Variants in CNTN5 observed in about 807,000 individuals in gnomAD.
CNTN5 encodes the protein contactin 5.
Under a neutral mutation model 129.1 loss-of-function variants are expected in CNTN5, and 77 were observed. The ratio of observed to expected loss-of-function variants is 0.60; its 90% CI spans 0.50 to 0.72. The LOEUF (loss-of-function observed/expected upper bound fraction) is 0.72, where lower values mean the gene tolerates loss of function less well. CNTN5 is among the 30% of genes least tolerant of loss of function. The pLI, the probability that CNTN5 is intolerant of heterozygous loss-of-function variation, is 0.00. For missense variants in CNTN5, 1,478 were observed against 1,328.8 expected, an observed-to-expected ratio of 1.11 and a Z score of -1.75; for synonymous variants, 509 against 465.6, an observed-to-expected ratio of 1.09 and a Z score of -1.20.
At chr11:100,101,952 CA>C (rs1945238760) in intron 13 of CNTN5, among the ~76,000 whole-genome samples, 1 of 152,044 alleles carries the variant, frequency 6.6e-6, no homozygotes, top group African/African-American at 2.4e-5. Flanking sequence ...GTAAACCTAC[CA>C]TATTTTCTTT....
At chr11:99,801,724 A>C (rs2135481745) in intron 3 of CNTN5, among the ~76,000 whole-genome samples, 1 of 152,314 alleles carries the variant, frequency 6.6e-6, no homozygotes, top group Admixed American at 6.5e-5. Flanking sequence ...TCTATTGATA[A>C]ATATTTCAAT....
chr11:99,639,862 C>G (rs1301682140), intron 3 of CNTN5, among the ~76,000 whole-genome samples: 1 of 152,084 alleles, frequency 6.6e-6, no homozygotes, highest in Non-Finnish European at 1.5e-5. Flanking sequence ...CCACGTCAGT[C>G]CCAAGTCAGC....
In CNTN5 at chr11:99,055,037, A is replaced by G. The variant is rs181613042; in HGVS notation, c.-210+33767A>G. Among the ~76,000 whole-genome samples, 577 of 152,074 alleles carry G rather than the reference A, an allele frequency of 3.8e-3. 5 individuals are homozygous for G. Among genetic ancestry groups the G allele is most frequent in the Non-Finnish European group, 4.2e-3 (288 of 67,920 alleles). On this transcript the variant is annotated intron_variant, in intron 1 of 24. Coordinates refer to ENST00000524871, the MANE Select transcript of CNTN5 (RefSeq NM_014361.4). The stretch of plus-strand genomic sequence containing the variant: ...TTACCTAGAAGGCTTATTAAAACAC[A>G]TATTTCTATGCCCTATTCCCAGAAT...
rs536724121 is a variant in CNTN5, at chr11:99,489,160, A to G, written c.-70-66985A>G. ...TTTCCGTTTGGAGTTTTCTAGATTT[A>G]GAGACACTTCTTTCAGGCCATACAA... is the stretch of plus-strand genomic sequence containing the variant. On this transcript the variant is annotated intron_variant, in intron 2 of 24. Transcript: ENST00000524871. Among the ~76,000 whole-genome samples the G allele has an allele frequency of 3.3e-5, 5 of 152,256 alleles. No homozygotes were observed. The East Asian group carries it at 7.7e-4, about 24-fold the overall frequency.
intron 1 of CNTN5, among the ~76,000 whole-genome samples, chr11:99,153,318 T>C (rs1860164959): frequency 6.6e-6 from 1 of 152,108 alleles, no homozygotes. Flanking sequence ...TCTTAAAGGG[T>C]TTGTTCATTC....
At chr11:99,578,960 T>C (rs146202298) in intron 3 of CNTN5, among the ~76,000 whole-genome samples, 9,571 of 152,250 alleles carry the variant, frequency 0.063, 363 homozygotes, top group Non-Finnish European at 0.074. Flanking sequence ...TTTATGGTTT[T>C]AGGTCTAACC....
chr11:99,531,497 A>G (rs1375278188), intron 2 of CNTN5, among the ~76,000 whole-genome samples: 1 of 152,198 alleles, frequency 6.6e-6, no homozygotes, highest in Non-Finnish European at 1.5e-5. Flanking sequence ...AAGGAGCCTA[A>G]TGTTAATCCC....
At chr11:99,860,884 C>T (rs1175725650) in intron 6 of CNTN5, among the ~76,000 whole-genome samples, 1 of 149,446 alleles carries the variant, frequency 6.7e-6, no homozygotes, top group Non-Finnish European at 1.5e-5. Flanking sequence ...CTGTAGATTA[C>T]TTTGGGCAGT....
At chr11:99,893,896 A>G (rs1330892966) in intron 6 of CNTN5, among the ~76,000 whole-genome samples, 2 of 152,152 alleles carry the variant, frequency 1.3e-5, no homozygotes, top group Non-Finnish European at 1.5e-5. Flanking sequence ...CTGGCTTTGC[A>G]TAGTTTAATC....
intron 3 of CNTN5, among the ~76,000 whole-genome samples, chr11:99,589,097 T>C (rs892812248): frequency 6.6e-6 from 1 of 152,192 alleles, no homozygotes; most frequent in Admixed American, 6.5e-5. Flanking sequence ...TGTGAAACTA[T>C]AGAAGTGCAG....
intron 3 of CNTN5, among the ~76,000 whole-genome samples, chr11:99,674,303 T>TA (rs1454454447): frequency 1.4e-5 from 2 of 148,102 alleles, no homozygotes; most frequent in East Asian, 4.3e-4. Flanking sequence ...TTTTGATGGT[T>TA]TTTTTTTCTT....
chr11:100,289,266 A>G (rs932014574), intron 18 of CNTN5, among the ~76,000 whole-genome samples: 2 of 152,198 alleles, frequency 1.3e-5, no homozygotes, highest in Admixed American at 1.3e-4. Flanking sequence ...TTATGAGGGC[A>G]GCATCATCCT....
At chr11:100,079,490 C>T (rs146142181) in intron 13 of CNTN5, among the ~76,000 whole-genome samples, 216 of 152,232 alleles carry the variant, frequency 1.4e-3, no homozygotes, top group African/African-American at 4.4e-3. Flanking sequence ...ATCTCATCTC[C>T]CTTACCTATT....
intron 2 of CNTN5, among the ~76,000 whole-genome samples, chr11:99,554,374 G>GCTA (rs1218375077): frequency 6.6e-6 from 1 of 152,022 alleles, no homozygotes; most frequent in African/African-American, 2.4e-5. Flanking sequence ...AAGATCCTTT[G>GCTA]CTACTGTGTC....
At chr11:99,607,289 G>C (rs1383688175) in intron 3 of CNTN5, among the ~76,000 whole-genome samples, 5 of 107,394 alleles carry the variant, frequency 4.7e-5, no homozygotes, top group African/African-American at 1.4e-4. Flanking sequence ...GTGGGCGAAG[G>C]ACATGAACAG....
chr11:100,255,599 C>T (rs767192019), intron 16 of CNTN5, among the ~76,000 whole-genome samples, 161 bp from the exon 17 acceptor site: 5 of 152,156 alleles, frequency 3.3e-5, no homozygotes, highest in African/African-American at 4.8e-5. Flanking sequence ...ATCCTAGACT[C>T]CAACTTGCAT....
At chr11:99,956,687 G>A (rs1419290819) in intron 7 of CNTN5, 119 bp from the exon 8 acceptor site, 5 of 657,848 alleles carry the variant, frequency 7.6e-6, no homozygotes, top group Non-Finnish European at 1.3e-5. Context: ...TAGATACATG[G>A]ATCAAATATG....
At chr11:100,129,607 G>A (rs549932851) in intron 13 of CNTN5, among the ~76,000 whole-genome samples, 10 of 151,898 alleles carry the variant, frequency 6.6e-5, no homozygotes, top group Admixed American at 1.3e-4. Context: ...AATTTTCTTC[G>A]GAGCTACAGA....
At chr11:100,206,253 T>C (rs538882110) in intron 15 of CNTN5, among the ~76,000 whole-genome samples, 3 of 152,190 alleles carry the variant, frequency 2.0e-5, no homozygotes, top group Admixed American at 6.6e-5. Context: ...AAAAAGACTT[T>C]ACAGGTAGAG....
Sources: allele counts gnomAD v4.1 joint callset (sites outside exome capture counted in the v4.1 genomes callset), GRCh38; gene constraint gnomAD v4.1.1; transcripts MANE v1.5; gene names NCBI Gene and HGNC (gene_info 2026-07-23, HGNC 2026-07-21).